The following TFDP1 variants were observed in gnomAD, a reference collection of about 807,000 sequenced individuals.
TFDP1 encodes transcription factor Dp-1.
In TFDP1, 6 loss-of-function variants were observed where a neutral mutation model predicts 48.0. The observed-to-expected ratio is 0.13, with a 90% confidence interval of 0.07 to 0.25. The LOEUF (loss-of-function observed/expected upper bound fraction) is 0.25. TFDP1 is among the 10% of genes least tolerant of loss of function. The probability of loss-of-function intolerance (pLI) is 1.00; values close to 1 mark genes in which losing one functional copy is unlikely to be tolerated. For synonymous variants in TFDP1, 201 were observed against 211.6 expected (o/e 0.95, Z 0.44); for missense variants, 335 against 543.0 (o/e 0.62, Z 3.81).
intron 3 of TFDP1, among the ~76,000 whole-genome samples, chr13:113,620,166 G>C (rs2048963207): frequency 6.6e-6 from 1 of 152,234 alleles, no homozygotes; most frequent in Non-Finnish European, 1.5e-5. Flanking sequence ...CCTGTGGGTG[G>C]AGCAGATGGA....
intron 10 of TFDP1, 105 bp downstream of exon 10, chr13:113,636,805 C>T: frequency 7.4e-7 from 1 of 1,351,716 alleles, no homozygotes; most frequent in South Asian, 1.4e-5. Context: ...TGAGATCAGG[C>T]CCACGTGTGT....
chr13:113,601,839 G>T (rs964968387), intron 2 of TFDP1, among the ~76,000 whole-genome samples: 1 of 151,840 alleles, frequency 6.6e-6, no homozygotes, highest in Non-Finnish European at 1.5e-5. Context: ...AGGGAGGAGC[G>T]GATGGAGTTA....
intron 2 of TFDP1, among the ~76,000 whole-genome samples, chr13:113,586,673 G>A (rs80296361): frequency 0.048 from 7,268 of 152,310 alleles, 253 homozygotes; most frequent in Non-Finnish European, 0.074. Context: ...GCGAAAATGC[G>A]TCCAGAGTGT....
chr13:113,628,211 GTCTGGAGCCGTGTAAAGAC>G (rs1403695512), intron 4 of TFDP1, among the ~76,000 whole-genome samples: 27 of 146,806 alleles, frequency 1.8e-4, no homozygotes, highest in African/African-American at 6.7e-4. Flanking sequence ...TGTAAAGACT[GTCTGGAGCCGTGTAAAGAC>G]TGTCTGGAGC....
chr13:113,636,520 C>G lies in TFDP1; in HGVS notation c.840-14C>G. 1.2e-6 allele frequency: 2 copies of G among 1,612,330 alleles called. No individual in the cohort carries two copies. The highest frequency in any genetic ancestry group is 2.7e-5 in the African/African-American group (2 of 75,034). On this transcript the variant is annotated splice_polypyrimidine_tract_variant and intron_variant, in intron 9 of 11. Transcript: ENST00000375370. ...GGGAGACCCTGTCTTTCTGACTGTGCCTTTCCCCTTCAGATTTGAGTATCT... is the reference window on the plus strand; with the variant it reads ...GGGAGACCCTGTCTTTCTGACTGTGGCTTTCCCCTTCAGATTTGAGTATCT...
Position 113,600,369 on chromosome 13 carries a change from C to T in TFDP1, c.13-10627C>T, listed in dbSNP as rs188992178. 2.1e-4 allele frequency among the ~76,000 whole-genome samples: 17 copies of T among 81,344 alleles called. No homozygotes were observed. The East Asian group carries it at 4.2e-3, about 20-fold the overall frequency. 53.4% of individuals were successfully genotyped at this position (81,344 alleles called of 152,430 possible). ...ACCCTCACACATAGGGCTCCAGGAC[C>T]GCGATAGAGAACCCAGGACCGTAAG... On this transcript the variant is annotated intron_variant, in intron 2 of 11. Coordinates refer to ENST00000375370, the MANE Select transcript of TFDP1 (RefSeq NM_007111.5).
intron 1 of TFDP1, 110 bp from the exon 2 acceptor site, chr13:113,585,664 C>T (rs2047984725): frequency 1.6e-6 from 1 of 631,804 alleles, no homozygotes; most frequent in Non-Finnish European, 2.7e-6. Flanking sequence ...TGGAGGGTGC[C>T]TTTGGGAAGG....
chr13:113,587,170 CA>C (rs1258404392), intron 2 of TFDP1, among the ~76,000 whole-genome samples: 1 of 152,028 alleles, frequency 6.6e-6, no homozygotes, highest in East Asian at 1.9e-4. Context: ...TGTCTGTGAG[CA>C]GCATGTAGTG....
intron 2 of TFDP1, among the ~76,000 whole-genome samples, chr13:113,592,218 C>T (rs752388023): frequency 1.3e-4 from 20 of 152,228 alleles, no homozygotes; most frequent in African/African-American, 4.3e-4. Context: ...TGCAATGGCA[C>T]GATCTTGGCT....
intron 5 of TFDP1, among the ~76,000 whole-genome samples, chr13:113,632,059 C>T (rs897635241): frequency 6.6e-6 from 1 of 152,214 alleles, no homozygotes; most frequent in Admixed American, 6.5e-5. Flanking sequence ...CACAGGACCT[C>T]GGAGACTTTC....
intron 11 of TFDP1, among the ~76,000 whole-genome samples, chr13:113,638,601 C>T (rs1016459533): frequency 6.6e-6 from 1 of 152,156 alleles, no homozygotes; most frequent in Admixed American, 6.5e-5. Flanking sequence ...TATTTTGTTC[C>T]GTGCATTTTT....
Position 113,623,873 on chromosome 13 carries a change from G to A in TFDP1, c.186+587G>A, listed in dbSNP as rs549814454. On this transcript the variant is annotated intron_variant, in intron 4 of 11. Transcript: ENST00000375370. The surrounding 1 kb of genome is among the most constrained non-coding windows in gnomAD (Gnocchi z 5.2). ...TTCTCATAATGCTGTTTCCTGTCTC[G>A]TGTCCGCCCTCTGCGTCCTTGCCGG... Among the ~76,000 whole-genome samples, 7 of 152,212 alleles carry A rather than the reference G, an allele frequency of 4.6e-5. No individual in the cohort carries two copies. The highest frequency in any genetic ancestry group is 1.2e-4 in the African/African-American group (5 of 41,528).
At chr13:113,625,003 CT>C (rs1184724455) in intron 4 of TFDP1, among the ~76,000 whole-genome samples, 3 of 140,252 alleles carry the variant, frequency 2.1e-5, no homozygotes, top group Non-Finnish European at 4.6e-5. Context: ...CTCACGTGTC[CT>C]CAGGTGTCTC....
chr13:113,596,194 AC>A (rs2140307530), intron 2 of TFDP1, among the ~76,000 whole-genome samples: 1 of 152,300 alleles, frequency 6.6e-6, no homozygotes, highest in South Asian at 2.1e-4. Flanking sequence ...ATTTCGTGTC[AC>A]CACTATTGAT....
chr13:113,640,085 T>C (rs767756576), intron 11 of TFDP1, 35 bp from the exon 12 acceptor site: 1 of 1,521,286 alleles, frequency 6.6e-7, no homozygotes, highest in East Asian at 2.3e-5. Context: ...GTGGGCCGCC[T>C]GCACTGACGG....
intron 4 of TFDP1, among the ~76,000 whole-genome samples, chr13:113,630,238 CTT>C (rs2049300248): frequency 6.6e-6 from 1 of 152,092 alleles, no homozygotes; most frequent in South Asian, 2.1e-4. Context: ...GGAGATTTAT[CTT>C]TTGTATGGCT....
intron 3 of TFDP1, among the ~76,000 whole-genome samples, chr13:113,616,249 G>A (rs578022226): frequency 2.0e-4 from 30 of 151,462 alleles, no homozygotes; most frequent in South Asian, 1.7e-3. Flanking sequence ...ACATTTGAGC[G>A]TGCACTTTCG....
rs1310412231 is a variant in TFDP1, at chr13:113,640,663, G to A, written c.*396G>A. ...GAGCCCCTGATGCCGCTTATTTGCC[G>A]TGAGTTTGGACGGCACCCCTGCTGG... On this transcript the variant is annotated 3_prime_UTR_variant, in exon 12 of 12. Transcript: ENST00000375370. 5 of 258,340 alleles carry A rather than the reference G, an allele frequency of 1.9e-5. No homozygotes were observed. Among genetic ancestry groups the A allele is most frequent in the Admixed American group, 6.2e-5 (1 of 16,074 alleles). 16.0% of individuals were successfully genotyped at this position (258,340 alleles called of 1,614,324 possible).
chr13:113,608,210 G>A (rs1046615447), intron 2 of TFDP1, among the ~76,000 whole-genome samples: 7 of 152,176 alleles, frequency 4.6e-5, no homozygotes, highest in Admixed American at 2.0e-4. Flanking sequence ...GGCTGCCCCC[G>A]CCAACAGAAA....
Sources: allele counts gnomAD v4.1 joint callset (sites outside exome capture counted in the v4.1 genomes callset), GRCh38; gene constraint gnomAD v4.1.1; non-coding constraint Gnocchi (gnomAD v3.1); transcripts MANE v1.5; gene names NCBI Gene and HGNC (gene_info 2026-07-23, HGNC 2026-07-21).